Variants in ANLN observed in about 807,000 individuals in gnomAD.
The protein encoded by ANLN is anillin.
In ANLN, 59 loss-of-function variants were observed where a neutral mutation model predicts 135.1. That is an observed-to-expected ratio of 0.44 (90% CI 0.35 to 0.54). ANLN has a LOEUF of 0.54. ANLN is among the 20% of genes least tolerant of loss of function. The probability of loss-of-function intolerance (pLI) is 0.00; values close to 1 mark genes in which losing one functional copy is unlikely to be tolerated. For missense variants in ANLN, 1,182 were observed against 1,340.0 expected (o/e 0.88, Z 1.84); for synonymous variants, 406 against 456.4 (o/e 0.89, Z 1.41).
chr7:36,433,160 G>A (rs1788399412), intron 20 of ANLN, among the ~76,000 whole-genome samples: 2 of 152,070 alleles, frequency 1.3e-5, no homozygotes, highest in South Asian at 4.1e-4. Flanking sequence ...TTATAAACTG[G>A]TCCTTATATT....
intron 20 of ANLN, among the ~76,000 whole-genome samples, chr7:36,435,548 T>C (rs1788498153): frequency 6.6e-6 from 1 of 152,056 alleles, no homozygotes; most frequent in Admixed American, 6.5e-5. Context: ...CTCTTTTGAA[T>C]CTAATTTCTT....
chr7:36,396,145 T>C, intron 1 of ANLN, 121 bp from the exon 2 acceptor site: 1 of 747,780 alleles, frequency 1.3e-6, no homozygotes, highest in Non-Finnish European at 1.9e-6. Flanking sequence ...GCTTAGGATT[T>C]CACTTTTGAA....
At chr7:36,401,441 C>G (rs539358730) in intron 3 of ANLN, among the ~76,000 whole-genome samples, 17 of 152,320 alleles carry the variant, frequency 1.1e-4, no homozygotes, top group Admixed American at 1.1e-3. Context: ...CAGGTTCAAG[C>G]AGTTCTCCTG....
intron 2 of ANLN, among the ~76,000 whole-genome samples, chr7:36,397,660 C>G (rs1315365338): frequency 6.6e-6 from 1 of 152,124 alleles, no homozygotes; most frequent in Non-Finnish European, 1.5e-5. Context: ...CGCCTGTAAT[C>G]CCAACACTTT....
chr7:36,402,984 G>T (rs1787019358), intron 3 of ANLN, among the ~76,000 whole-genome samples: 1 of 152,132 alleles, frequency 6.6e-6, no homozygotes. Flanking sequence ...ATACTCTGTG[G>T]TGCATGCCTG....
At chr7:36,414,067 C>G (rs888103701) in intron 7 of ANLN, among the ~76,000 whole-genome samples, 3 of 151,910 alleles carry the variant, frequency 2.0e-5, no homozygotes, top group African/African-American at 7.3e-5. Flanking sequence ...GGTATTGTTA[C>G]GTTTCAAATG....
At chr7:36,435,084 T>G (rs1788472306) in intron 20 of ANLN, among the ~76,000 whole-genome samples, 1 of 152,192 alleles carries the variant, frequency 6.6e-6, no homozygotes, top group South Asian at 2.1e-4. Flanking sequence ...CATCAAACCC[T>G]ACACTTTAAA....
chr7:36,414,175 G>T (rs1787545130), intron 7 of ANLN, among the ~76,000 whole-genome samples: 3 of 152,208 alleles, frequency 2.0e-5, no homozygotes, highest in Admixed American at 2.0e-4. Flanking sequence ...TGCAGGTGGT[G>T]CTGTGTCGAG....
rs749987420 is a variant in ANLN, at chr7:36,406,240, C to T, written c.547C>T (p.Pro183Ser). The T allele has an allele frequency of 3.7e-6, 6 of 1,613,390 alleles. No homozygotes were observed. The highest frequency in any genetic ancestry group is 5.1e-6 in the Non-Finnish European group (6 of 1,179,320). Reference sequence around the variant, plus strand: ...GCCATCAGAGGAAAAGGCTGCTTCCCCTCCCAGACCTCTGCTTTCAAATGC... The same window carrying T: ...GCCATCAGAGGAAAAGGCTGCTTCCTCTCCCAGACCTCTGCTTTCAAATGC... ...PMPSEEKAAS[P>S]PRPLLSNASA... Residue 183 changes from proline to serine, a missense_variant, in exon 4 of 24, where the codon CCT becomes TCT. Pro to Ser is a moderately conservative substitution (Grantham distance 74). Coordinates refer to ENST00000265748, the MANE Select transcript of ANLN (RefSeq NM_018685.5).
rs772754869 is a variant in ANLN at position 36,449,679 on chromosome 7, G to A, written c.3093G>A (p.Arg1031=). The change falls in exon 23 of 24, where the codon AGG becomes AGA. Residue 1031 remains arginine (R), a synonymous_variant. Transcript: ENST00000265748. ...DDEKRKNPIG[R]INLANCTSRQ... ...TGTTTTTAAAGAATCCCATAGGAAG[G>A]ATAAATCTGGCTAATTGTACCAGTC... 14 of 1,611,442 alleles carry A rather than the reference G, an allele frequency of 8.7e-6. No homozygotes were observed. In the South Asian group the frequency reaches 1.4e-4, roughly 17 times the overall value.
At chr7:36,412,689 C>T (rs1583613661) in intron 7 of ANLN, among the ~76,000 whole-genome samples, 1 of 152,066 alleles carries the variant, frequency 6.6e-6, no homozygotes, top group South Asian at 2.1e-4. Flanking sequence ...TGAAGTGCTC[C>T]TCATAGTCAT....
chr7:36,450,311 G>T lies in ANLN; in HGVS notation c.3251+474G>T, dbSNP rs555401718. On this transcript the variant is annotated intron_variant, in intron 23 of 23. Transcript: ENST00000265748. ...GAGTGCCCCTTTTTTAATTAACCCT[G>T]ATCTCAAGTGTAAGATACGAAGGCT... 5.9e-5 allele frequency among the ~76,000 whole-genome samples: 9 copies of T among 152,286 alleles called. No homozygotes were observed. In the East Asian group the frequency reaches 1.7e-3, roughly 29 times the overall value.
chr7:36,415,502 T>G (rs926146055), intron 7 of ANLN, among the ~76,000 whole-genome samples: 1 of 152,156 alleles, frequency 6.6e-6, no homozygotes, highest in African/African-American at 2.4e-5. Context: ...AGCCCTGATA[T>G]GAATTTTCAT....
intron 3 of ANLN, 91 bp downstream of exon 3, chr7:36,399,484 A>C: frequency 8.6e-7 from 1 of 1,160,456 alleles, no homozygotes; most frequent in Non-Finnish European, 1.2e-6. Context: ...ACTCATGAAA[A>C]ATAAATGCTT....
chr7:36,408,665 G>A (rs558993116), intron 5 of ANLN, among the ~76,000 whole-genome samples: 1 of 151,946 alleles, frequency 6.6e-6, no homozygotes, highest in Admixed American at 6.6e-5. Context: ...TCAAACACTG[G>A]GTCTTTTTTC....
In ANLN at chr7:36,390,090, G is replaced by GCC. The variant is rs1186406036; in HGVS notation, c.18+50_18+51dup. 3.7e-6 allele frequency: 6 copies of GCC among 1,612,468 alleles called. No individual in the cohort carries two copies. The South Asian group carries it at 5.5e-5, about 15-fold the overall frequency. ...AGCCAGCCATGACCCACCGCTCTAG[G>GCC]CCCCCACCCACCTTCCTCTGTCAAC... On this transcript the variant is annotated intron_variant, in intron 1 of 23. Transcript: ENST00000265748.
chr7:36,396,452 C>CA (rs1554338996), intron 2 of ANLN, 33 bp downstream of exon 2: 2 of 1,518,224 alleles, frequency 1.3e-6, no homozygotes, highest in Non-Finnish European at 1.8e-6. Context: ...ATAACATTTA[C>CA]TTTTTTTTTC....
chr7:36,412,903 A>G (rs1470305262), intron 7 of ANLN, among the ~76,000 whole-genome samples: 1 of 152,118 alleles, frequency 6.6e-6, no homozygotes, highest in Non-Finnish European at 1.5e-5. Context: ...CTCCTACTTC[A>G]TTAAGAATAG....
chr7:36,391,484 T>C (rs912089432), intron 1 of ANLN, among the ~76,000 whole-genome samples: 21 of 152,228 alleles, frequency 1.4e-4, no homozygotes, highest in African/African-American at 5.1e-4. Context: ...CTCAGAAATA[T>C]GTATGGTTTA....
Sources: allele counts gnomAD v4.1 joint callset (sites outside exome capture counted in the v4.1 genomes callset), GRCh38; gene constraint gnomAD v4.1.1; transcripts MANE v1.5; gene names NCBI Gene and HGNC (gene_info 2026-07-23, HGNC 2026-07-21).